AGBL4: variants seen among roughly 807,000 people sequenced by gnomAD.
AGBL4 encodes AGBL carboxypeptidase 4.
AGBL4 carries 58 observed loss-of-function variants against 66.4 expected under a neutral mutation model. That is an observed-to-expected ratio of 0.87 (90% confidence interval 0.71 to 1.09). The LOEUF (loss-of-function observed/expected upper bound fraction) is 1.09. AGBL4 is among the 50% of genes least tolerant of loss of function. The pLI is 0.00. For missense variants in AGBL4, 579 were observed against 631.0 expected, an observed-to-expected ratio of 0.92 and a Z score of 0.88; for synonymous variants, 234 against 222.9, an observed-to-expected ratio of 1.05 and a Z score of -0.44.
intron 11 of AGBL4, among the ~76,000 whole-genome samples, chr1:48,579,768 A>T (rs1330523240): frequency 6.7e-6 from 1 of 150,046 alleles, no homozygotes; most frequent in Non-Finnish European, 1.5e-5. Flanking sequence ...AAAAAAAAAA[A>T]TTAGCCGGGC....
intron 7 of AGBL4, among the ~76,000 whole-genome samples, chr1:48,654,988 G>A (rs1290052116): frequency 2.0e-5 from 3 of 152,176 alleles, no homozygotes; most frequent in Non-Finnish European, 2.9e-5. Flanking sequence ...CCCAGCTCCC[G>A]GGGCGGCCCT....
intron 4 of AGBL4, among the ~76,000 whole-genome samples, chr1:49,188,827 T>C (rs1412318083): frequency 1.3e-5 from 2 of 152,204 alleles, no homozygotes; most frequent in African/African-American, 2.4e-5. Context: ...AAAATATTAA[T>C]GCCGGTTGGT....
At chr1:48,988,213 C>T (rs950701452) in intron 5 of AGBL4, among the ~76,000 whole-genome samples, 1 of 152,042 alleles carries the variant, frequency 6.6e-6, no homozygotes, top group Non-Finnish European at 1.5e-5. Flanking sequence ...GGGATTTTTC[C>T]TACCCATTCC....
At chr1:49,944,053 C>T (rs966998220) in intron 1 of AGBL4, among the ~76,000 whole-genome samples, 1 of 151,962 alleles carries the variant, frequency 6.6e-6, no homozygotes, top group Non-Finnish European at 1.5e-5. Flanking sequence ...AAGACCTGCC[C>T]AAGGAAAGTC....
intron 3 of AGBL4, among the ~76,000 whole-genome samples, chr1:49,526,661 C>G (rs1371809308): frequency 6.6e-6 from 1 of 151,924 alleles, no homozygotes; most frequent in Non-Finnish European, 1.5e-5. Flanking sequence ...TCCCTAGTGA[C>G]AAGTCAATGT....
chr1:48,927,515 T>C (rs1386313047), intron 5 of AGBL4, among the ~76,000 whole-genome samples: 2 of 152,148 alleles, frequency 1.3e-5, no homozygotes, highest in Non-Finnish European at 2.9e-5. Flanking sequence ...AAACCATATT[T>C]CACCTAGAAA....
At chr1:49,586,188 T>A (rs554489093) in intron 3 of AGBL4, among the ~76,000 whole-genome samples, 97 of 152,126 alleles carry the variant, frequency 6.4e-4, no homozygotes, top group Non-Finnish European at 7.2e-4. Flanking sequence ...GGCATTGCTA[T>A]CCCCATTTTA....
intron 1 of AGBL4, among the ~76,000 whole-genome samples, chr1:49,956,355 G>C (rs1195542424): frequency 6.6e-6 from 1 of 151,674 alleles, no homozygotes; most frequent in African/African-American, 2.4e-5. Flanking sequence ...ACTCTCTCCA[G>C]CTCTAACTTT....
intron 3 of AGBL4, among the ~76,000 whole-genome samples, chr1:49,304,691 T>C (rs766241502): frequency 1.3e-5 from 2 of 152,210 alleles, no homozygotes; most frequent in Non-Finnish European, 2.9e-5. Context: ...GTGTGTGTAA[T>C]GGCAATATCA....
chr1:48,705,770 C>T (rs1340135376), intron 6 of AGBL4, among the ~76,000 whole-genome samples: 1 of 152,106 alleles, frequency 6.6e-6, no homozygotes, highest in Non-Finnish European at 1.5e-5. Flanking sequence ...ATGTTAATCA[C>T]AAAGCAGAAT....
At chr1:49,562,187 C>A (rs1176835939) in intron 3 of AGBL4, among the ~76,000 whole-genome samples, 1 of 152,006 alleles carries the variant, frequency 6.6e-6, no homozygotes, top group Non-Finnish European at 1.5e-5. Flanking sequence ...TGTTTGAGTT[C>A]ATTGTAGATT....
At chr1:49,276,283 C>CAG (rs1463174238) in intron 3 of AGBL4, among the ~76,000 whole-genome samples, 1 of 152,026 alleles carries the variant, frequency 6.6e-6, no homozygotes, top group East Asian at 1.9e-4. Context: ...CTGCTTATTC[C>CAG]AGTTTGTTTT....
At chr1:49,979,218 T>C (rs1658846116) in intron 1 of AGBL4, among the ~76,000 whole-genome samples, 1 of 151,952 alleles carries the variant, frequency 6.6e-6, no homozygotes, top group Admixed American at 6.6e-5. Flanking sequence ...TCCCAGCACT[T>C]TGGGAGGCCG....
chr1:49,434,941 C>T (rs1645870052), intron 3 of AGBL4, among the ~76,000 whole-genome samples: 1 of 152,108 alleles, frequency 6.6e-6, no homozygotes, highest in South Asian at 2.1e-4. Flanking sequence ...ACAGAGACAG[C>T]ACCCTTGCAA....
At position 48,789,294 on chromosome 1, in the gene AGBL4, A is replaced by ATT. The variant is rs58314536; in HGVS notation, c.634+77895_634+77896dup. 5.3e-5 allele frequency among the ~76,000 whole-genome samples: 7 copies of ATT among 132,050 alleles called. No homozygotes were observed. In the East Asian group the frequency reaches 1.6e-3, roughly 29 times the overall value. The allele number at this position is 132,050 out of a possible 152,430, so 86.6% of individuals were successfully genotyped here. ...GCTGCGTGGATATATATATATATAT[A>ATT]TTTTTTTTTTTTGAGACGGCATCTC... On this transcript the variant is annotated intron_variant, in intron 6 of 13. Coordinates refer to ENST00000371839, the MANE Select transcript of AGBL4 (RefSeq NM_032785.4).
chr1:49,081,116 C>T (rs950808292), intron 4 of AGBL4, among the ~76,000 whole-genome samples: 1 of 152,134 alleles, frequency 6.6e-6, no homozygotes, highest in East Asian at 1.9e-4. Context: ...CATTCATTAA[C>T]TACATACTAC....
chr1:49,197,119 G>A (rs1257741491), intron 4 of AGBL4, among the ~76,000 whole-genome samples: 1 of 152,200 alleles, frequency 6.6e-6, no homozygotes, highest in Admixed American at 6.5e-5. Context: ...ACAAGCCACT[G>A]TGCCTGGCCC....
intron 4 of AGBL4, among the ~76,000 whole-genome samples, chr1:49,130,453 C>G (rs975961476): frequency 1.3e-5 from 2 of 152,104 alleles, no homozygotes; most frequent in Non-Finnish European, 2.9e-5. Flanking sequence ...TTAGGTCTAA[C>G]GTTTAAGTCT....
intron 1 of AGBL4, among the ~76,000 whole-genome samples, chr1:49,965,593 A>G (rs1349323624): frequency 6.6e-6 from 1 of 152,190 alleles, no homozygotes; most frequent in Non-Finnish European, 1.5e-5. Context: ...CTCCTTTTCT[A>G]GGTCCCAATA....
Sources: allele counts gnomAD v4.1 joint callset (sites outside exome capture counted in the v4.1 genomes callset), GRCh38; gene constraint gnomAD v4.1.1; transcripts MANE v1.5; gene names NCBI Gene and HGNC (gene_info 2026-07-23, HGNC 2026-07-21).